LINS1: variants seen among roughly 807,000 people sequenced by gnomAD.
LINS1 encodes the protein lines homolog 1.
In LINS1, 27 loss-of-function variants were observed where a neutral mutation model predicts 41.6. The observed-to-expected ratio is 0.65, with a 90% CI of 0.48 to 0.89. The LOEUF (loss-of-function observed/expected upper bound fraction) is 0.89. Ranked by LOEUF, LINS1 falls within the 40% of genes least tolerant of loss-of-function variation. The probability of loss-of-function intolerance (pLI) is 0.00; values close to 1 mark genes in which losing one functional copy is unlikely to be tolerated. For missense variants in LINS1, 955 were observed against 884.1 expected, an observed-to-expected ratio of 1.08 and a Z score of -1.02; for synonymous variants, 336 against 312.9, an observed-to-expected ratio of 1.07 and a Z score of -0.78.
Position 100,573,013 on chromosome 15 carries a change from T to C in LINS1, c.1222+638A>G, listed in dbSNP as rs145672398. ...GAGCAAGACCCTGCCTCAAAATAAA[T>C]AAACAGTAAACACAACAATAACAAA... On this transcript the variant is annotated intron_variant, in intron 5 of 6. Coordinates refer to ENST00000314742, the MANE Select transcript of LINS1 (RefSeq NM_001040616.3). 770 of 169,322 alleles carry C rather than the reference T, an allele frequency of 4.5e-3. 1 individual carries two copies. The highest frequency in any genetic ancestry group is 8.8e-3 in the Middle Eastern group (3 of 342). 10.5% of individuals were successfully genotyped at this position (169,322 alleles called of 1,614,324 possible).
chr15:100,583,709 T>C (rs1455963655), intron 1 of LINS1, among the ~76,000 whole-genome samples: 1 of 152,222 alleles, frequency 6.6e-6, no homozygotes. Flanking sequence ...CCTTGTTTTA[T>C]TAATCCCTAC....
chr15:100,583,379 C>T (rs1345737115), intron 1 of LINS1, among the ~76,000 whole-genome samples: 4 of 152,234 alleles, frequency 2.6e-5, no homozygotes, highest in Non-Finnish European at 4.4e-5. Flanking sequence ...ACAAAGCTGC[C>T]CTGTTTTAGT....
At chr15:100,601,929 G>A (rs1353383552) in intron 1 of LINS1, among the ~76,000 whole-genome samples, 192 bp downstream of exon 1, 1 of 151,938 alleles carries the variant, frequency 6.6e-6, no homozygotes. Flanking sequence ...GGGGTCTCAA[G>A]GACCGACAGC....
intron 1 of LINS1, among the ~76,000 whole-genome samples, chr15:100,600,874 A>C (rs2039461675): frequency 6.6e-6 from 1 of 151,874 alleles, no homozygotes; most frequent in African/African-American, 2.4e-5. Flanking sequence ...AAACCAATCC[A>C]CTTTCCTTAG....
intron 1 of LINS1, among the ~76,000 whole-genome samples, chr15:100,600,551 C>CAA (rs56911211): frequency 0.057 from 4,491 of 79,382 alleles, 494 homozygotes; most frequent in East Asian, 0.29. Flanking sequence ...TGCTGTTAAG[C>CAA]AAAAAAAAAA....
At chr15:100,576,948 A>G (rs2038223214) in intron 3 of LINS1, among the ~76,000 whole-genome samples, 1 of 152,254 alleles carries the variant, frequency 6.6e-6, no homozygotes, top group East Asian at 1.9e-4. Flanking sequence ...CAATAGATGC[A>G]GAAAAGGCCT....
At chr15:100,577,924 A>G (rs922191863) in intron 3 of LINS1, among the ~76,000 whole-genome samples, 3 of 152,254 alleles carry the variant, frequency 2.0e-5, no homozygotes, top group African/African-American at 7.2e-5. Flanking sequence ...GAAATGGGGA[A>G]AGGATTCCCT....
At chr15:100,584,680 C>A (rs2038719378) in intron 1 of LINS1, among the ~76,000 whole-genome samples, 1 of 152,164 alleles carries the variant, frequency 6.6e-6, no homozygotes, top group Admixed American at 6.5e-5. Flanking sequence ...TCCCCACCAG[C>A]CAGCAAGCAA....
chr15:100,593,231 T>C (rs531277131), intron 1 of LINS1, among the ~76,000 whole-genome samples: 6 of 152,240 alleles, frequency 3.9e-5, no homozygotes, highest in South Asian at 2.1e-4. Context: ...AAACAAACAA[T>C]TGGGGCAGTC....
chr15:100,595,658 T>A (rs79835185), intron 1 of LINS1, among the ~76,000 whole-genome samples: 12,385 of 152,262 alleles, frequency 0.081, 649 homozygotes, highest in African/African-American at 0.15. Context: ...AATAATCTAT[T>A]TTCATGGTCA....
chr15:100,592,474 C>G (rs2039081029), intron 1 of LINS1, among the ~76,000 whole-genome samples: 1 of 152,072 alleles, frequency 6.6e-6, no homozygotes, highest in Non-Finnish European at 1.5e-5. Context: ...AGTTCCAACT[C>G]TGAGCATAGG....
chr15:100,581,072 T>C (rs1451621972), intron 1 of LINS1, 127 bp from the exon 2 acceptor site: 4 of 464,004 alleles, frequency 8.6e-6, no homozygotes, highest in East Asian at 6.8e-5. Context: ...ATTTCTAAAA[T>C]GGAAAATTGT....
At chr15:100,584,431 T>C (rs1029216553) in intron 1 of LINS1, among the ~76,000 whole-genome samples, 1 of 152,086 alleles carries the variant, frequency 6.6e-6, no homozygotes, top group Non-Finnish European at 1.5e-5. Flanking sequence ...TGCCAGTAAA[T>C]AAATATTCCA....
At chr15:100,587,478 G>C (rs991413934) in intron 1 of LINS1, among the ~76,000 whole-genome samples, 1 of 152,182 alleles carries the variant, frequency 6.6e-6, no homozygotes, top group Non-Finnish European at 1.5e-5. Flanking sequence ...GATAGACTCA[G>C]TGGGAAAATT....
At chr15:100,576,635 A>G (rs1326854708) in intron 3 of LINS1, 1 of 152,356 alleles carries the variant, frequency 6.6e-6, no homozygotes, top group African/African-American at 2.4e-5. Context: ...AACTATTCCA[A>G]TCAACAGAAA....
intron 1 of LINS1, among the ~76,000 whole-genome samples, chr15:100,600,551 C>CCAAAAAA (rs777968890): frequency 1.3e-5 from 1 of 79,674 alleles, no homozygotes; most frequent in African/African-American, 6.7e-5. Context: ...TGCTGTTAAG[C>CCAAAAAA]AAAAAAAAAA....
At chr15:100,593,567 G>GC in intron 1 of LINS1, among the ~76,000 whole-genome samples, 1 of 145,504 alleles carries the variant, frequency 6.9e-6, no homozygotes, top group East Asian at 2.1e-4. Flanking sequence ...TATGGGGGGG[G>GC]GGGGTGCTTA....
chr15:100,567,951 G>A lies in LINS1; in HGVS notation c.*1287C>T, dbSNP rs1041502026. The A allele has an allele frequency of 2.0e-5, 3 of 150,852 alleles. No individual in the cohort carries two copies. The highest frequency in any genetic ancestry group is 7.3e-5 in the African/African-American group (3 of 41,134). The allele number at this position is 150,852 out of a possible 1,614,324, so 9.3% of individuals were successfully genotyped here. A position where few individuals can be genotyped will look rare whatever the true frequency, so the allele number is the denominator to read the frequency against. On this transcript the variant is annotated 3_prime_UTR_variant, in exon 7 of 7. Transcript: ENST00000314742. ...TTAATGTGCGGTAGGTTTAGTCTTT[G>A]TTCTGTTTCTCTGCAAAGAGATCAT... is the stretch of plus-strand genomic sequence containing the variant.
intron 1 of LINS1, among the ~76,000 whole-genome samples, chr15:100,599,803 C>T (rs1337541479): frequency 6.6e-6 from 1 of 152,152 alleles, no homozygotes; most frequent in African/African-American, 2.4e-5. Flanking sequence ...CAGTGGCTCA[C>T]ACCTGTAATC....
Sources: gnomAD v4.1 joint callset for allele counts (sites outside exome capture counted in the v4.1 genomes callset) on GRCh38, gnomAD v4.1.1 for gene constraint, MANE v1.5 for transcripts, NCBI Gene and HGNC (gene_info 2026-07-23, HGNC 2026-07-21) for gene names.